Variants in FSTL4 observed in about 807,000 individuals in gnomAD.
FSTL4 encodes the protein follistatin like 4, also known as follistatin-related protein 4.
Under a neutral mutation model 78.2 loss-of-function variants are expected in FSTL4, and 28 were observed. The observed-to-expected ratio is 0.36, with a 90% CI of 0.27 to 0.49. The LOEUF is 0.49. FSTL4 is among the 20% of genes least tolerant of loss of function. FSTL4 has a pLI of 0.98. For missense variants in FSTL4, 922 were observed against 1,084.9 expected (o/e 0.85, Z 2.11); for synonymous variants, 422 against 440.5 (o/e 0.96, Z 0.53).
rs560378423 is a variant in FSTL4, at chr5:133,220,695, T to C, written c.1458+53A>G. ...GGCATGCCTGGTTAAAGATAGACTTTTAGGATTTTGCCTGTGTATGATGTA... is the reference window on the plus strand; with the variant it reads ...GGCATGCCTGGTTAAAGATAGACTTCTAGGATTTTGCCTGTGTATGATGTA... On this transcript the variant is annotated intron_variant, in intron 12 of 15. Transcript: ENST00000265342. 99 of 910,326 alleles carry C rather than the reference T, an allele frequency of 1.1e-4. 2 individuals carry two copies. The South Asian group carries it at 1.2e-3, about 11-fold the overall frequency. The allele number at this position is 910,326 out of a possible 1,614,324, so 56.4% of individuals were successfully genotyped here.
chr5:133,526,083 G>T (rs907762422), intron 3 of FSTL4, among the ~76,000 whole-genome samples: 12 of 152,170 alleles, frequency 7.9e-5, no homozygotes, highest in African/African-American at 2.9e-4. Flanking sequence ...GACTTTAACA[G>T]ATGAACAGCT....
At chr5:133,521,395 C>T (rs1758978983) in intron 3 of FSTL4, among the ~76,000 whole-genome samples, 1 of 152,162 alleles carries the variant, frequency 6.6e-6, no homozygotes, top group Non-Finnish European at 1.5e-5. Context: ...ATCCTTTTCT[C>T]CTGGCTTAAA....
chr5:133,499,650 C>T (rs889502082), intron 3 of FSTL4, among the ~76,000 whole-genome samples: 4 of 152,066 alleles, frequency 2.6e-5, no homozygotes, highest in African/African-American at 9.7e-5. Flanking sequence ...TTTTCAATTC[C>T]TTCTGTGACT....
At chr5:133,610,643 C>T (rs929323096) in intron 1 of FSTL4, among the ~76,000 whole-genome samples, 2 of 152,230 alleles carry the variant, frequency 1.3e-5, no homozygotes, top group African/African-American at 4.8e-5. Context: ...AGCTGCATCA[C>T]TCACACCTCC....
chr5:133,468,831 CCCAA>C (rs1757763341), intron 3 of FSTL4, among the ~76,000 whole-genome samples: 1 of 152,148 alleles, frequency 6.6e-6, no homozygotes, highest in South Asian at 2.1e-4. Context: ...CAGACGGCTA[CCCAA>C]CCAACATGCA....
intron 4 of FSTL4, chr5:133,387,635 C>T (rs1384052169): frequency 6.6e-6 from 1 of 152,156 alleles, no homozygotes; most frequent in Non-Finnish European, 1.5e-5. Flanking sequence ...ATTGTATTGA[C>T]TGCAACATTA....
chr5:133,263,932 C>G (rs1470003909), intron 6 of FSTL4, among the ~76,000 whole-genome samples: 1 of 152,152 alleles, frequency 6.6e-6, no homozygotes, highest in Non-Finnish European at 1.5e-5. Flanking sequence ...TGGGCAGAGC[C>G]TGGAGTATAA....
At chr5:133,299,075 A>G (rs1250030319) in intron 6 of FSTL4, among the ~76,000 whole-genome samples, 2 of 152,206 alleles carry the variant, frequency 1.3e-5, no homozygotes, top group Non-Finnish European at 1.5e-5. Context: ...AGTCTAACAC[A>G]GACTTTTTAA....
chr5:133,565,514 A>C (rs567476349), intron 3 of FSTL4, among the ~76,000 whole-genome samples: 15 of 152,356 alleles, frequency 9.8e-5, no homozygotes, highest in South Asian at 2.1e-4. Flanking sequence ...GGAAGAAAAA[A>C]GTTTCTGTGA....
chr5:133,330,678 C>T lies in FSTL4; in HGVS notation c.410-14026G>A, dbSNP rs143634036. Reference sequence around the variant, plus strand: ...TGGGATAGAACTTAGATATATCCCTCATATCAAATATATGTCATATTTGAT... The same window carrying T: ...TGGGATAGAACTTAGATATATCCCTTATATCAAATATATGTCATATTTGAT... On this transcript the variant is annotated intron_variant, in intron 4 of 15. Coordinates refer to ENST00000265342, the MANE Select transcript of FSTL4 (RefSeq NM_015082.2). Among the ~76,000 whole-genome samples, 650 of 152,232 alleles carry T rather than the reference C, an allele frequency of 4.3e-3. 3 individuals are homozygous for T. Among genetic ancestry groups the T allele is most frequent in the African/African-American group, 0.015 (620 of 41,512 alleles).
At chr5:133,507,981 T>C (rs944045072) in intron 3 of FSTL4, among the ~76,000 whole-genome samples, 1 of 152,198 alleles carries the variant, frequency 6.6e-6, no homozygotes, top group Non-Finnish European at 1.5e-5. Context: ...TTCTGAGAAA[T>C]GCATCATTGG....
At chr5:133,319,252 AG>A (rs1310326215) in intron 4 of FSTL4, among the ~76,000 whole-genome samples, 1 of 152,216 alleles carries the variant, frequency 6.6e-6, no homozygotes, top group Non-Finnish European at 1.5e-5. Context: ...TCTGGGGGAA[AG>A]GGGTGGGCCC....
intron 3 of FSTL4, among the ~76,000 whole-genome samples, chr5:133,448,656 G>C (rs1048925724): frequency 6.9e-6 from 1 of 144,070 alleles, no homozygotes; most frequent in Non-Finnish European, 1.5e-5. Context: ...CCCCACTCTC[G>C]AGACAGAAGA....
chr5:133,461,383 T>A (rs1757588451), intron 3 of FSTL4, among the ~76,000 whole-genome samples: 2 of 152,210 alleles, frequency 1.3e-5, no homozygotes, highest in Non-Finnish European at 2.9e-5. Flanking sequence ...GCAAGGGACT[T>A]AATTACATTT....
chr5:133,495,068 T>A (rs2112871854), intron 3 of FSTL4, among the ~76,000 whole-genome samples: 1 of 152,292 alleles, frequency 6.6e-6, no homozygotes, highest in Non-Finnish European at 1.5e-5. Flanking sequence ...TCCCATAGCA[T>A]CCTGACAGGA....
chr5:133,623,539 A>G, the FSTL4 span, among the ~76,000 whole-genome samples: 2 of 152,028 alleles, frequency 1.3e-5, no homozygotes, highest in Non-Finnish European at 2.9e-5. Context: ...CTAAAAACCT[A>G]AACTCTTGGG....
At chr5:133,598,295 A>C (rs1390802921) in intron 2 of FSTL4, among the ~76,000 whole-genome samples, 1 of 152,066 alleles carries the variant, frequency 6.6e-6, no homozygotes, top group Non-Finnish European at 1.5e-5. Flanking sequence ...AAGTATCAGC[A>C]TCACCTGGAG....
chr5:133,250,590 T>G (rs995499255), intron 6 of FSTL4, among the ~76,000 whole-genome samples: 1 of 152,176 alleles, frequency 6.6e-6, no homozygotes, highest in Non-Finnish European at 1.5e-5. Context: ...CGAAGCAGAG[T>G]TGGGAGCTGA....
the FSTL4 span, among the ~76,000 whole-genome samples, chr5:133,764,608 C>T: frequency 6.6e-6 from 1 of 152,226 alleles, no homozygotes; most frequent in South Asian, 2.1e-4. Flanking sequence ...TTTCAGAGGG[C>T]TGGTGGATCC....
Sources: gnomAD v4.1 joint callset for allele counts (sites outside exome capture counted in the v4.1 genomes callset) on GRCh38, gnomAD v4.1.1 for gene constraint, MANE v1.5 for transcripts, NCBI Gene and HGNC (gene_info 2026-07-23, HGNC 2026-07-21) for gene names.